The following DIP2C variants were observed in gnomAD, a reference collection of about 807,000 sequenced individuals.
DIP2C encodes the protein disco-interacting protein 2 homolog C.
A neutral mutation model predicts 192.4 loss-of-function variants in DIP2C; 33 were observed. The observed-to-expected ratio is 0.17, with a 90% CI of 0.13 to 0.23. The LOEUF is 0.23. Ranked by LOEUF, DIP2C falls within the 10% of genes least tolerant of loss-of-function variation. The pLI is 1.00. For synonymous variants in DIP2C, 979 were observed against 864.1 expected (o/e 1.13, Z -2.33); for missense variants, 1,537 against 2,110.1 (o/e 0.73, Z 5.32).
chr10:482,873 C>A (rs748454301), intron 2 of DIP2C, among the ~76,000 whole-genome samples: 1 of 152,208 alleles, frequency 6.6e-6, no homozygotes, highest in Non-Finnish European at 1.5e-5. Context: ...TGGGTTTGAA[C>A]CGCAGAAGGG....
chr10:528,501 G>A (rs542559316), intron 1 of DIP2C, among the ~76,000 whole-genome samples: 4 of 152,356 alleles, frequency 2.6e-5, no homozygotes, highest in Non-Finnish European at 5.9e-5. Flanking sequence ...AGCCATAGTG[G>A]TGGATATCCC....
intron 1 of DIP2C, among the ~76,000 whole-genome samples, chr10:573,765 TAAAA>T (rs887022859): frequency 3.3e-5 from 5 of 151,060 alleles, no homozygotes; most frequent in African/African-American, 1.2e-4. Context: ...TGTAGGTACT[TAAAA>T]AAAAAGAACA....
At position 453,092 on chromosome 10, in the gene DIP2C, A is replaced by T. The variant is rs1968986511; in HGVS notation, c.269-12096T>A. ...ACTTTTAGGAAAATATAACATGGGTAAACAGGTTGCTACAAAACAAATATT... is the reference window on the plus strand; with the variant it reads ...ACTTTTAGGAAAATATAACATGGGTTAACAGGTTGCTACAAAACAAATATT... On this transcript the variant is annotated intron_variant, in intron 3 of 36. Coordinates refer to ENST00000280886, the MANE Select transcript of DIP2C (RefSeq NM_014974.3). 2.0e-5 allele frequency among the ~76,000 whole-genome samples: 3 copies of T among 152,388 alleles called. No homozygotes were observed. The South Asian group carries it at 6.2e-4, about 32-fold the overall frequency.
At chr10:452,395 T>A (rs1968923358) in intron 3 of DIP2C, among the ~76,000 whole-genome samples, 1 of 151,720 alleles carries the variant, frequency 6.6e-6, no homozygotes, top group Non-Finnish European at 1.5e-5. Flanking sequence ...GGCAAACACG[T>A]GGAAAAAGGA....
chr10:274,495 A>C lies in DIP2C; in HGVS notation c.*2830T>G, dbSNP rs1023235275. On this transcript the variant is annotated 3_prime_UTR_variant, in exon 37 of 37. Coordinates refer to ENST00000280886, the MANE Select transcript of DIP2C (RefSeq NM_014974.3). The stretch of plus-strand genomic sequence containing the variant: ...CAAAAATAAAAGCTTTTATTTGTTC[A>C]TTTGAATATAAAACAGGCGTTATCA... The C allele has an allele frequency of 2.0e-5, 3 of 152,238 alleles. No homozygotes were observed. The highest frequency in any genetic ancestry group is 7.2e-5 in the African/African-American group (3 of 41,464). The allele number at this position is 152,238 out of a possible 1,614,324, so 9.4% of individuals were successfully genotyped here.
intron 17 of DIP2C, among the ~76,000 whole-genome samples, chr10:375,684 C>CGGTCAG (rs1167617075): frequency 1.3e-5 from 2 of 152,234 alleles, no homozygotes; most frequent in East Asian, 3.9e-4. Context: ...CTGCAGTTTG[C>CGGTCAG]TACTCCTGAC....
chr10:280,973 G>A (rs1954790263), intron 36 of DIP2C, among the ~76,000 whole-genome samples: 1 of 152,188 alleles, frequency 6.6e-6, no homozygotes, highest in African/African-American at 2.4e-5. Flanking sequence ...AGTTTTCACG[G>A]CAATAGAAGT....
intron 4 of DIP2C, among the ~76,000 whole-genome samples, chr10:439,427 C>T (rs61837200): frequency 8.4e-4 from 127 of 152,048 alleles, no homozygotes; most frequent in South Asian, 3.5e-3. Flanking sequence ...TGAAAAACAA[C>T]AACAACATAG....
In DIP2C at chr10:651,516, G is replaced by GT; in HGVS notation, c.85+37977dup. On this transcript the variant is annotated intron_variant, in intron 1 of 36. Transcript: ENST00000280886. This position sits in a 1 kb window ranked among gnomAD's most constrained non-coding sequence, Gnocchi z 4.1. ...TATGAAAATCCGTATCCACGTGAAG[G>GT]TATTATGCAAAAAAAGCTTAACTTT... 1.9e-6 allele frequency: 1 copy of GT among 512,974 alleles called. No individual in the cohort carries two copies. The highest frequency in any genetic ancestry group is 3.0e-5 in the Admixed American group (1 of 33,072). The allele number at this position is 512,974 out of a possible 1,614,324, so 31.8% of individuals were successfully genotyped here.
At chr10:451,105 C>G (rs1968809251) in intron 3 of DIP2C, among the ~76,000 whole-genome samples, 1 of 152,192 alleles carries the variant, frequency 6.6e-6, no homozygotes, top group African/African-American at 2.4e-5. Flanking sequence ...TGGGCGGTGA[C>G]TGGTGAAGCA....
chr10:579,466 CACAT>C lies in DIP2C; in HGVS notation c.86-92940_86-92937del, dbSNP rs1470966021. Among the ~76,000 whole-genome samples, 23 of 151,518 alleles carry C rather than the reference CACAT, an allele frequency of 1.5e-4. No individual in the cohort carries two copies. The South Asian group carries it at 2.7e-3, about 18-fold the overall frequency. On this transcript the variant is annotated intron_variant, in intron 1 of 36. Transcript: ENST00000280886. Reference sequence around the variant, plus strand: ...CATGTGTACATGCATAGAGCGTACACACATACAGATCCAGTGTACAAACATAAGT... The same window carrying C: ...CATGTGTACATGCATAGAGCGTACACACAGATCCAGTGTACAAACATAAGT...
intron 22 of DIP2C, among the ~76,000 whole-genome samples, chr10:360,279 G>C (rs777671071): frequency 5.3e-5 from 8 of 152,174 alleles, no homozygotes; most frequent in Non-Finnish European, 8.8e-5. Flanking sequence ...GTCTGTTCTT[G>C]GCAGCAGCTG....
chr10:336,895 G>GGTGT (rs112539860), intron 29 of DIP2C, among the ~76,000 whole-genome samples: 14,940 of 91,630 alleles, frequency 0.16, 2,975 homozygotes, highest in African/African-American at 0.28. Flanking sequence ...GGCCTAGGCA[G>GGTGT]GTGTGTGTGT....
intron 28 of DIP2C, among the ~76,000 whole-genome samples, chr10:342,726 C>T (rs1262692115): frequency 6.6e-6 from 1 of 152,116 alleles, no homozygotes; most frequent in Non-Finnish European, 1.5e-5. Context: ...CACTCCAGGG[C>T]CCTTCACTAT....
intron 2 of DIP2C, among the ~76,000 whole-genome samples, chr10:478,986 C>G (rs1028838546): frequency 6.6e-6 from 1 of 152,174 alleles, no homozygotes; most frequent in African/African-American, 2.4e-5. Flanking sequence ...GCTCTGGGCT[C>G]CACAGAGGCC....
intron 1 of DIP2C, among the ~76,000 whole-genome samples, chr10:548,921 A>AAAAAAAAAAAAAAAAAAAAAAAAAAAAG: frequency 6.8e-6 from 1 of 146,470 alleles, no homozygotes; most frequent in Non-Finnish European, 1.5e-5. Context: ...CAAAAAAAAA[A>AAAAAAAAAAAAAAAAAAAAAAAAAAAAG]AAAAAAAAAA....
chr10:315,494 C>G (rs1402537759), intron 31 of DIP2C, among the ~76,000 whole-genome samples: 1 of 152,220 alleles, frequency 6.6e-6, no homozygotes, highest in East Asian at 1.9e-4. Context: ...ACAGCTCTTT[C>G]AGCAGCCTGC....
chr10:336,483 G>A (rs1219605105), intron 29 of DIP2C, among the ~76,000 whole-genome samples: 1 of 152,170 alleles, frequency 6.6e-6, no homozygotes, highest in African/African-American at 2.4e-5. Flanking sequence ...ATGATACCTA[G>A]CATCTTAGAG....
intron 3 of DIP2C, among the ~76,000 whole-genome samples, chr10:453,399 T>C (rs997081334): frequency 1.1e-4 from 17 of 152,186 alleles, no homozygotes; most frequent in African/African-American, 4.1e-4. Flanking sequence ...TAACAAGATT[T>C]GCTGGTCATG....
Sources: allele counts gnomAD v4.1 joint callset (sites outside exome capture counted in the v4.1 genomes callset), GRCh38; gene constraint gnomAD v4.1.1; non-coding constraint Gnocchi (gnomAD v3.1); transcripts MANE v1.5; gene names NCBI Gene and HGNC (gene_info 2026-07-23, HGNC 2026-07-21).